SMARCA5: variants seen among roughly 807,000 people sequenced by gnomAD.
The protein encoded by SMARCA5 is SWI/SNF-related matrix-associated actin-dependent regulator of chromatin subfamily A member 5.
SMARCA5 carries 18 observed loss-of-function variants against 140.4 expected under a neutral mutation model. That is an observed-to-expected ratio of 0.13 (90% CI 0.09 to 0.19). SMARCA5 has a LOEUF of 0.19. Ranked by LOEUF, SMARCA5 falls within the 10% of genes least tolerant of loss-of-function variation. SMARCA5 has a pLI of 1.00. For missense variants in SMARCA5, 606 were observed against 1,276.8 expected (o/e 0.47, Z 8.01); for synonymous variants, 449 against 419.6 (o/e 1.07, Z -0.86).
chr4:143,533,272 C>T (rs1278321143), intron 9 of SMARCA5, among the ~76,000 whole-genome samples: 1 of 151,840 alleles, frequency 6.6e-6, no homozygotes, highest in Non-Finnish European at 1.5e-5. Flanking sequence ...TATTGCTTAC[C>T]CTTGGGAAGG....
Position 143,529,462 on chromosome 4 carries a change from T to C in SMARCA5, c.1089+748T>C, listed in dbSNP as rs563026414. 4.6e-5 allele frequency among the ~76,000 whole-genome samples: 7 copies of C among 152,342 alleles called. No homozygotes were observed. In the East Asian group the frequency reaches 1.3e-3, roughly 29 times the overall value. Reference sequence around the variant, plus strand: ...TTAGTGAAATCTGTCTGGCTTTTCTTATATTATAGTCTAACAAACAAATAG... The same window carrying C: ...TTAGTGAAATCTGTCTGGCTTTTCTCATATTATAGTCTAACAAACAAATAG... On this transcript the variant is annotated intron_variant, in intron 8 of 23. Coordinates refer to ENST00000283131, the MANE Select transcript of SMARCA5 (RefSeq NM_003601.4).
At chr4:143,536,805 C>T in intron 11 of SMARCA5, 127 bp downstream of exon 11, 2 of 677,924 alleles carry the variant, frequency 3.0e-6, no homozygotes, top group Non-Finnish European at 5.2e-6. Flanking sequence ...ATTAAAAAAA[C>T]CTGTTCATTA....
In SMARCA5 at chr4:143,526,335, A is replaced by G. The variant is rs1443975572; in HGVS notation, c.676A>G (p.Arg226Gly). 1.9e-6 allele frequency: 3 copies of G among 1,613,950 alleles called. No homozygotes were observed. The highest frequency in any genetic ancestry group is 2.5e-6 in the Non-Finnish European group (3 of 1,179,946). Residue 226 changes from arginine (R) to glycine (G), a missense_variant, in exon 6 of 24, where the codon AGA (arginine) becomes GGA (glycine). This residue lies in a region of SMARCA5 where 110 missense variants were observed against 287.7 expected (regional missense o/e 0.38). Transcript: ENST00000283131. ...ISLLGYMKHY[R>G]NIPGPHMVLV... ...TCTTCTTGGGTACATGAAACATTAT[A>G]GAAACATTCCTGGGCCTCATATGGT... is the stretch of plus-strand genomic sequence containing the variant.
intron 10 of SMARCA5, 56 bp from the exon 11 acceptor site, chr4:143,536,396 G>A: frequency 1.7e-6 from 2 of 1,177,044 alleles, no homozygotes; most frequent in South Asian, 1.2e-5. Context: ...ATGTAAAGTG[G>A]CAGGGATTGA....
chr4:143,524,657 CAA>C (rs1737031112), intron 4 of SMARCA5, among the ~76,000 whole-genome samples, 190 bp downstream of exon 4: 1 of 152,066 alleles, frequency 6.6e-6, no homozygotes, highest in South Asian at 2.1e-4. Context: ...TGCTGTATTT[CAA>C]AGTTATATAA....
chr4:143,553,425 CATTTG>C lies in SMARCA5; in HGVS notation c.*246_*250del, dbSNP rs1409125203. Reference sequence around the variant, plus strand: ...AGGCTTCATTTATTACTAAGTGTTTCATTTGATTTATTTTTCTATTGTAGTTCCAT... The same window carrying C: ...AGGCTTCATTTATTACTAAGTGTTTCATTTATTTTTCTATTGTAGTTCCAT... On this transcript the variant is annotated 3_prime_UTR_variant, in exon 24 of 24. Coordinates refer to ENST00000283131, the MANE Select transcript of SMARCA5 (RefSeq NM_003601.4). 5.4e-6 allele frequency: 2 copies of C among 372,424 alleles called. No individual in the cohort carries two copies. The highest frequency in any genetic ancestry group is 9.7e-6 in the Non-Finnish European group (2 of 206,268). 23.1% of individuals were successfully genotyped at this position (372,424 alleles called of 1,614,324 possible). A position where few individuals can be genotyped will look rare whatever the true frequency, so the allele number is the denominator to read the frequency against.
In SMARCA5 at chr4:143,557,371, G is replaced by C. The variant is rs1737780850; in HGVS notation, c.*4187G>C. 1.3e-5 allele frequency: 2 copies of C among 152,164 alleles called. No homozygotes were observed. Among genetic ancestry groups the C allele is most frequent in the African/African-American group, 4.8e-5 (2 of 41,440 alleles). 9.4% of individuals were successfully genotyped at this position (152,164 alleles called of 1,614,324 possible). On this transcript the variant is annotated 3_prime_UTR_variant, in exon 24 of 24. Transcript: ENST00000283131. ...TAGTTTGCTTACTACAGAAATTCTT[G>C]TTTTTGATGTAGACAACCCAAAGGA...
rs1737470528 is a variant in SMARCA5, at chr4:143,543,576, A to T, written c.1971A>T (p.Gly657=). 1 of 1,609,636 alleles carries T rather than the reference A, an allele frequency of 6.2e-7. No individual in the cohort carries two copies. The highest frequency in any genetic ancestry group is 1.7e-5 in the Admixed American group (1 of 59,966). Residue 657 remains glycine, a synonymous_variant, in exon 15 of 24, where the codon GGA becomes GGT. Transcript: ENST00000283131. ...KDEMLQMIRH[G]ATHVFASKES... Reference sequence around the variant, plus strand: ...AAATGCTTCAAATGATTAGACATGGAGCAACACATGTGTTTGCTTCAAAGG... The same window carrying T: ...AAATGCTTCAAATGATTAGACATGGTGCAACACATGTGTTTGCTTCAAAGG...
intron 4 of SMARCA5, among the ~76,000 whole-genome samples, 168 bp from the exon 5 acceptor site, chr4:143,525,283 A>T (rs1466492527): frequency 6.6e-6 from 1 of 152,138 alleles, no homozygotes; most frequent in Non-Finnish European, 1.5e-5. Flanking sequence ...CAGCTTTTCC[A>T]CTTCAGACCA....
At chr4:143,523,130 T>C (rs1736997186) in intron 3 of SMARCA5, among the ~76,000 whole-genome samples, 1 of 151,492 alleles carries the variant, frequency 6.6e-6, no homozygotes, top group Non-Finnish European at 1.5e-5. Flanking sequence ...GTTGTGCCTC[T>C]GGGGTTCAAG....
In SMARCA5 at chr4:143,545,783, G is replaced by T. The variant is rs1351652268; in HGVS notation, c.2398-142G>T. On this transcript the variant is annotated intron_variant, in intron 18 of 23. Coordinates refer to ENST00000283131, the MANE Select transcript of SMARCA5 (RefSeq NM_003601.4). ...AAAATAAGACTTCATGACCAATCTG[G>T]TTTGTTTTTAACATAATACATGCAA... 3.4e-6 allele frequency: 3 copies of T among 892,116 alleles called. No homozygotes were observed. The East Asian group carries it at 7.3e-5, about 22-fold the overall frequency. The allele number at this position is 892,116 out of a possible 1,614,324, so 55.3% of individuals were successfully genotyped here.
chr4:143,538,513 T>G, intron 11 of SMARCA5, 77 bp from the exon 12 acceptor site: 5 of 1,122,598 alleles, frequency 4.5e-6, no homozygotes, highest in Non-Finnish European at 6.6e-6. Context: ...GGATAATTGA[T>G]TAGTCTTAGT....
At chr4:143,539,268 A>G (rs1317194347) in intron 13 of SMARCA5, among the ~76,000 whole-genome samples, 2 of 152,166 alleles carry the variant, frequency 1.3e-5, no homozygotes, top group African/African-American at 2.4e-5. Context: ...TGATCAAAGA[A>G]TTAGACAGAA....
At chr4:143,552,653 TTA>T (rs1737666658) in intron 23 of SMARCA5, among the ~76,000 whole-genome samples, 1 of 152,040 alleles carries the variant, frequency 6.6e-6, no homozygotes, top group Admixed American at 6.6e-5. Flanking sequence ...TAAGCTTTGA[TTA>T]TTTCAGTGAT....
intron 9 of SMARCA5, among the ~76,000 whole-genome samples, chr4:143,534,003 T>G (rs1044101677): frequency 6.6e-6 from 1 of 152,210 alleles, no homozygotes; most frequent in Non-Finnish European, 1.5e-5. Flanking sequence ...AATAGATGGT[T>G]TGTGGCAACC....
chr4:143,537,081 T>C (rs1000481996), intron 11 of SMARCA5, among the ~76,000 whole-genome samples: 1 of 152,222 alleles, frequency 6.6e-6, no homozygotes, highest in African/African-American at 2.4e-5. Context: ...TAAGGTACCA[T>C]GTACATGGAC....
chr4:143,521,302 G>T, intron 2 of SMARCA5, 127 bp from the exon 3 acceptor site: 1 of 618,652 alleles, frequency 1.6e-6, no homozygotes, highest in Non-Finnish European at 2.8e-6. Context: ...ACTCATCCAT[G>T]TTGCATTTAT....
chr4:143,517,839 C>T (rs1469523864), intron 2 of SMARCA5, among the ~76,000 whole-genome samples: 2 of 152,150 alleles, frequency 1.3e-5, no homozygotes, highest in Non-Finnish European at 2.9e-5. Flanking sequence ...ACAGTCAAAC[C>T]ATAGCAATGT....
At chr4:143,519,143 G>T (rs1283636831) in intron 2 of SMARCA5, among the ~76,000 whole-genome samples, 1 of 152,064 alleles carries the variant, frequency 6.6e-6, no homozygotes, top group African/African-American at 2.4e-5. Context: ...CCAGAAGCCT[G>T]TAATCCGTAT....
Sources: gnomAD v4.1 joint callset for allele counts (sites outside exome capture counted in the v4.1 genomes callset) on GRCh38, gnomAD v4.1.1 for gene constraint, gnomAD v4.1.1 regional missense constraint, MANE v1.5 for transcripts, NCBI Gene and HGNC (gene_info 2026-07-23, HGNC 2026-07-21) for gene names.